GGACT: variants seen among roughly 807,000 people sequenced by gnomAD.
The protein encoded by GGACT is gamma-glutamylaminecyclotransferase.
For missense variants in GGACT, 241 were observed against 233.2 expected, an observed-to-expected ratio of 1.03 and a Z score of -0.22; for synonymous variants, 118 against 115.3, an observed-to-expected ratio of 1.02 and a Z score of -0.15.
chr13:100,579,756 A>T (rs951264117), intron 2 of GGACT, among the ~76,000 whole-genome samples: 1 of 152,194 alleles, frequency 6.6e-6, no homozygotes, highest in African/African-American at 2.4e-5. Context: ...CAAAATCTGG[A>T]GAGTTCACCC....
At chr13:100,536,605 C>T (rs1380829522) in intron 2 of GGACT, 2 of 151,974 alleles carry the variant, frequency 1.3e-5, no homozygotes, top group Non-Finnish European at 2.9e-5. Context: ...TCCTAACTCC[C>T]TCTTTTCTCT....
intron 1 of GGACT, among the ~76,000 whole-genome samples, chr13:100,586,400 A>C (rs1875575289): frequency 6.6e-6 from 1 of 151,730 alleles, no homozygotes; most frequent in African/African-American, 2.4e-5. Context: ...CCAATAAGCA[A>C]AACAAACAAA....
intron 2 of GGACT, among the ~76,000 whole-genome samples, chr13:100,559,439 G>C (rs1244245583): frequency 1.3e-5 from 2 of 152,086 alleles, no homozygotes; most frequent in East Asian, 3.9e-4. Flanking sequence ...TACCCCCCTC[G>C]GCCTCCCAAT....
chr13:100,562,155 G>A (rs1401889724), intron 2 of GGACT, among the ~76,000 whole-genome samples: 2 of 152,030 alleles, frequency 1.3e-5, no homozygotes, highest in African/African-American at 4.8e-5. Context: ...ATTACTGGAA[G>A]TACACAGAAG....
chr13:100,564,468 TA>T (rs925200467), intron 2 of GGACT, among the ~76,000 whole-genome samples: 2 of 152,154 alleles, frequency 1.3e-5, no homozygotes, highest in African/African-American at 2.4e-5. Flanking sequence ...ACATCTTTTT[TA>T]AAAAAATTAT....
At chr13:100,554,647 G>A (rs138562857) in intron 2 of GGACT, among the ~76,000 whole-genome samples, 5 of 152,212 alleles carry the variant, frequency 3.3e-5, no homozygotes, top group South Asian at 2.1e-4. Context: ...TTTCAGAGAC[G>A]CATATGGAAG....
In GGACT at chr13:100,577,333, T is replaced by C. The variant is rs988442679; in HGVS notation, c.-11+6492A>G. Among the ~76,000 whole-genome samples the C allele has an allele frequency of 3.3e-5, 5 of 151,836 alleles. No homozygotes were observed. The South Asian group carries it at 6.2e-4, about 19-fold the overall frequency. On this transcript the variant is annotated intron_variant, in intron 2 of 2. Coordinates refer to ENST00000683975, the MANE Select transcript of GGACT (RefSeq NM_001195087.2). ...CGGGAGGCTAAGGCAGGAGAATCACTTGAACCCAAGAGGCAGAGGTTGCAG... is the reference window on the plus strand; with the variant it reads ...CGGGAGGCTAAGGCAGGAGAATCACCTGAACCCAAGAGGCAGAGGTTGCAG...
chr13:100,534,076 A>C lies in GGACT; in HGVS notation c.-10-1475T>G, dbSNP rs1445367779. On this transcript the variant is annotated intron_variant, in intron 2 of 2. Coordinates refer to ENST00000683975, the MANE Select transcript of GGACT (RefSeq NM_001195087.2). The surrounding 1 kb of genome is among the most constrained non-coding windows in gnomAD (Gnocchi z 4.9). ...CAAGTGGACCCTGAAGAAACTGAAG[A>C]AGTCACACTGAACTCATGGGACTTC... 6.6e-6 allele frequency among the ~76,000 whole-genome samples: 1 copy of C among 152,244 alleles called. No individual in the cohort carries two copies. The highest frequency in any genetic ancestry group is 1.5e-5 in the Non-Finnish European group (1 of 68,044).
chr13:100,548,566 C>T (rs2088629184), intron 2 of GGACT, among the ~76,000 whole-genome samples: 1 of 152,196 alleles, frequency 6.6e-6, no homozygotes, highest in Non-Finnish European at 1.5e-5. Context: ...AGGCTTGGGC[C>T]AGCGCGCCCT....
intron 2 of GGACT, among the ~76,000 whole-genome samples, chr13:100,555,661 G>A (rs975363185): frequency 1.6e-4 from 25 of 152,004 alleles, no homozygotes; most frequent in African/African-American, 5.8e-4. Flanking sequence ...GAGAGACGCT[G>A]TCTCAAAAAA....
At chr13:100,540,550 T>C (rs1189118872) in intron 2 of GGACT, among the ~76,000 whole-genome samples, 1 of 152,248 alleles carries the variant, frequency 6.6e-6, no homozygotes. Context: ...CTGTCAATTT[T>C]GTTAGTCTTC....
Position 100,534,006 on chromosome 13 carries a change from G to A in GGACT, c.-10-1405C>T, listed in dbSNP as rs1046407745. Among the ~76,000 whole-genome samples the A allele has an allele frequency of 2.0e-5, 3 of 152,200 alleles. No individual in the cohort carries two copies. Among genetic ancestry groups the A allele is most frequent in the Non-Finnish European group, 2.9e-5 (2 of 68,034 alleles). ...AGGAAACAGCAGCGGCTCGTGACCC[G>A]CCAGAAATGGCCCCGGACACCACAC... On this transcript the variant is annotated intron_variant, in intron 2 of 2. Transcript: ENST00000683975. The surrounding 1 kb of genome is among the most constrained non-coding windows in gnomAD (Gnocchi z 4.9).
At chr13:100,561,457 C>A (rs2088759073) in intron 2 of GGACT, among the ~76,000 whole-genome samples, 1 of 152,200 alleles carries the variant, frequency 6.6e-6, no homozygotes, top group Non-Finnish European at 1.5e-5. Flanking sequence ...GTAAGCCCTG[C>A]CTCCTGCCTC....
rs150442448 is a variant in GGACT, at chr13:100,530,597, C to CTGATTGAT, written c.*1532_*1533insATCAATCA. ...AAATTAGCACTTGCCATTTTTTCAT[C>CTGATTGAT]TGATTGCCTTACTACTTCTAGAAGT... On this transcript the variant is annotated 3_prime_UTR_variant, in exon 3 of 3. Coordinates refer to ENST00000683975, the MANE Select transcript of GGACT (RefSeq NM_001195087.2). 3.4e-6 allele frequency: 1 copy of CTGATTGAT among 294,662 alleles called. No homozygotes were observed. Among genetic ancestry groups the CTGATTGAT allele is most frequent in the African/African-American group, 2.2e-5 (1 of 44,950 alleles). The allele number at this position is 294,662 out of a possible 1,614,324, so 18.3% of individuals were successfully genotyped here.
At chr13:100,573,529 T>A (rs1875158192) in intron 2 of GGACT, among the ~76,000 whole-genome samples, 1 of 152,188 alleles carries the variant, frequency 6.6e-6, no homozygotes, top group Non-Finnish European at 1.5e-5. Context: ...TTTATTTGTT[T>A]GTTTTGAGAG....
At position 100,532,021 on chromosome 13, in the gene GGACT, C is replaced by T; in HGVS notation, c.*109G>A. The T allele has an allele frequency of 1.5e-6, 1 of 685,664 alleles. No individual in the cohort carries two copies. Among genetic ancestry groups the T allele is most frequent in the Non-Finnish European group, 2.2e-6 (1 of 459,260 alleles). 42.5% of individuals were successfully genotyped at this position (685,664 alleles called of 1,614,324 possible). On this transcript the variant is annotated 3_prime_UTR_variant, in exon 3 of 3. Coordinates refer to ENST00000683975, the MANE Select transcript of GGACT (RefSeq NM_001195087.2). ...CACTGAAAGATTGGTTCCTTTCCGG[C>T]AGATTCATTGGAAAGGGCCCTGTTC...
At chr13:100,572,363 G>A (rs1367005207) in intron 2 of GGACT, among the ~76,000 whole-genome samples, 2 of 152,186 alleles carry the variant, frequency 1.3e-5, no homozygotes, top group Non-Finnish European at 2.9e-5. Context: ...CATACAGACA[G>A]GAAACAGAAT....
rs1294190632 is a variant in GGACT, at chr13:100,532,534, G to A, written c.58C>T (p.Leu20=). ...GCGGAGCCGTGGGCGCCGTCCCGCAGGACCCTGTGGTTGGGCTGACCCCGC... is the reference window on the plus strand; with the variant it reads ...GCGGAGCCGTGGGCGCCGTCCCGCAAGACCCTGTGGTTGGGCTGACCCCGC... The part of the protein sequence containing the change: ...LKRGQPNHRV[L]RDGAHGSAAF... The change falls in exon 3 of 3, where the codon CTG becomes TTG. Residue 20 remains leucine (L), a synonymous_variant. Transcript: ENST00000683975. The A allele has an allele frequency of 1.9e-6, 3 of 1,548,048 alleles. No individual in the cohort carries two copies. The East Asian group carries it at 7.3e-5, about 38-fold the overall frequency.
chr13:100,578,277 A>C (rs559201102), intron 2 of GGACT, among the ~76,000 whole-genome samples: 1 of 152,212 alleles, frequency 6.6e-6, no homozygotes, highest in African/African-American at 2.4e-5. Context: ...TTTGTTATAG[A>C]TATTCTGCCA....
Sources: allele counts gnomAD v4.1 joint callset (sites outside exome capture counted in the v4.1 genomes callset), GRCh38; gene constraint gnomAD v4.1.1; non-coding constraint Gnocchi (gnomAD v3.1); transcripts MANE v1.5; gene names NCBI Gene and HGNC (gene_info 2026-07-23, HGNC 2026-07-21).